The following RPS3A variants were observed in gnomAD, a reference collection of about 807,000 sequenced individuals.
RPS3A encodes the protein small ribosomal subunit protein eS1.
RPS3A carries 1 observed loss-of-function variant against 26.4 expected under a neutral mutation model. That is an observed-to-expected ratio of 0.04 (90% confidence interval 0.01 to 0.18). RPS3A has a LOEUF of 0.18. RPS3A is among the 10% of genes least tolerant of loss of function. The pLI, the probability that RPS3A is intolerant of heterozygous loss-of-function variation, is 1.00. For missense variants in RPS3A, 139 were observed against 326.8 expected (o/e 0.43, Z 4.43); for synonymous variants, 97 against 106.1 (o/e 0.91, Z 0.53).
At chr4:151,100,014 T>G in intron 1 of RPS3A, 1 of 619,102 alleles carries the variant, frequency 1.6e-6, no homozygotes, top group South Asian at 1.5e-5. Flanking sequence ...GAGTGTTTGA[T>G]GGCACTGCGA....
At chr4:151,104,119 T>A in intron 4 of RPS3A, 58 bp from the exon 5 acceptor site, 1 of 1,460,066 alleles carries the variant, frequency 6.8e-7, no homozygotes, top group South Asian at 1.2e-5. Flanking sequence ...TTAAAGGAAA[T>A]GGCTTATATC....
rs1212209428 is a variant in RPS3A, at chr4:151,104,443, T to TG, written c.674-29_674-28insG. On this transcript the variant is annotated intron_variant, in intron 5 of 5. Transcript: ENST00000274065. ...AGATATACTAACAGTTTTTTGGTTT[T>TG]TTTTTTTTTTTTTTTTTTTGCCTTT... The TG allele has an allele frequency of 1.0e-5, 13 of 1,289,032 alleles. No individual in the cohort carries two copies. The African/African-American group carries it at 1.8e-4, about 18-fold the overall frequency. 79.8% of individuals were successfully genotyped at this position (1,289,032 alleles called of 1,614,324 possible). A position where few individuals can be genotyped will look rare whatever the true frequency, so the allele number is the denominator to read the frequency against.
At chr4:151,103,535 A>G (rs963668216) in intron 4 of RPS3A, 26 of 1,029,460 alleles carry the variant, frequency 2.5e-5, no homozygotes, top group Non-Finnish European at 2.9e-5. Flanking sequence ...TTTCGTGTTT[A>G]TTTATTTTGA....
intron 5 of RPS3A, 34 bp from the exon 6 acceptor site, chr4:151,104,438 G>GGT: frequency 2.7e-6 from 1 of 370,332 alleles, no homozygotes; most frequent in Non-Finnish European, 4.1e-6. Context: ...ACAGTTTTTT[G>GGT]GTTTTTTTTT....
At chr4:151,104,082 T>C in intron 4 of RPS3A, 95 bp from the exon 5 acceptor site, 1 of 1,517,032 alleles carries the variant, frequency 6.6e-7, no homozygotes, top group Non-Finnish European at 8.8e-7. Context: ...GTGTTATGTG[T>C]AGGTTTATTC....
chr4:151,100,957 T>A lies in RPS3A; in HGVS notation c.167-18T>A. On this transcript the variant is annotated intron_variant, in intron 2 of 5. Coordinates refer to ENST00000274065, the MANE Select transcript of RPS3A (RefSeq NM_001006.5). ...TATGGTTCCTAAATGTTAAGATACT[T>A]GTTTTTTTCTTTTGTAGAAATTGCA... The A allele has an allele frequency of 6.4e-7, 1 of 1,555,062 alleles. No individual in the cohort carries two copies. The highest frequency in any genetic ancestry group is 8.7e-7 in the Non-Finnish European group (1 of 1,149,118).
intron 1 of RPS3A, chr4:151,100,097 G>T (rs547286895): frequency 2.5e-5 from 13 of 522,730 alleles, no homozygotes; most frequent in Admixed American, 7.1e-5. Context: ...GGTCCCGCTG[G>T]AATCTGCGAG....
chr4:151,099,634 T>C lies in RPS3A; in HGVS notation c.-19T>C, dbSNP rs780547743. The C allele has an allele frequency of 6.2e-7, 1 of 1,612,932 alleles. No individual in the cohort carries two copies. The highest frequency in any genetic ancestry group is 1.1e-5 in the South Asian group (1 of 90,906). ...CGCGCGACTCCCACTTCCGCCCTTT[T>C]GGCTCTCTGACCAGCACCATGGCGG... On this transcript the variant is annotated 5_prime_UTR_variant, in exon 1 of 6. Coordinates refer to ENST00000274065, the MANE Select transcript of RPS3A (RefSeq NM_001006.5).
rs777875903 is a variant in RPS3A at position 151,100,563 on chromosome 4, G to T, written c.141G>T (p.Thr47=). ...TCAATATAAGAAATATTGGAAAGACGCTCGTCACCAGGACCCAAGGAACCA... is the reference window on the plus strand; with the variant it reads ...TCAATATAAGAAATATTGGAAAGACTCTCGTCACCAGGACCCAAGGAACCA... The part of the protein sequence containing the change: ...AMFNIRNIGK[T]LVTRTQGTKI... Residue 47 remains threonine (T), a synonymous_variant, in exon 2 of 6, where the codon ACG becomes ACT. Coordinates refer to ENST00000274065, the MANE Select transcript of RPS3A (RefSeq NM_001006.5). The T allele has an allele frequency of 6.3e-6, 10 of 1,598,432 alleles. No homozygotes were observed. In the East Asian group the frequency reaches 1.8e-4, roughly 29 times the overall value.
At chr4:151,102,724 T>G in intron 3 of RPS3A, 147 bp from the exon 4 acceptor site, 1 of 983,266 alleles carries the variant, frequency 1.0e-6, no homozygotes. Flanking sequence ...GGAAGTTAAT[T>G]CTGTAAACTT....
intron 1 of RPS3A, chr4:151,100,092 C>T: frequency 1.9e-6 from 1 of 525,836 alleles, no homozygotes; most frequent in Non-Finnish European, 3.6e-6. Context: ...TGCTTGGTCC[C>T]GCTGGAATCT....
Position 151,102,884 on chromosome 4 carries a change from C to T in RPS3A, c.368C>T (p.Ala123Val). 5 of 1,610,686 alleles carry T rather than the reference C, an allele frequency of 3.1e-6. No homozygotes were observed. Among genetic ancestry groups the T allele is most frequent in the Non-Finnish European group, 3.4e-6 (4 of 1,178,286 alleles). The change falls in exon 4 of 6, where the codon GCT becomes GTT. Residue 123 changes from alanine to valine, a missense_variant. Physicochemically the swap from Ala to Val is moderately conservative, Grantham distance 64. Around this residue, in one of 3 missense-constraint regions of RPS3A, gnomAD observed 96 missense variants for 209.8 expected, o/e 0.46. Transcript: ENST00000274065. ...TTTTTTCTCCAGACAATGATTGAAG[C>T]TCACGTTGATGTCAAGACTACCGAT... is the stretch of plus-strand genomic sequence containing the variant. Reference protein sequence around the residue: ...MVKKWQTMIEAHVDVKTTDGY... With the variant: ...MVKKWQTMIEVHVDVKTTDGY...
chr4:151,103,771 C>G (rs1311830369), intron 4 of RPS3A: 12 of 1,321,192 alleles, frequency 9.1e-6, no homozygotes, highest in Non-Finnish European at 1.1e-5. Flanking sequence ...TATATACACA[C>G]ACAAAGAAAA....
At chr4:151,100,679 G>C in intron 2 of RPS3A, 91 bp downstream of exon 2, 1 of 790,216 alleles carries the variant, frequency 1.3e-6, no homozygotes, top group South Asian at 1.6e-5. Flanking sequence ...CCTGTGGTGG[G>C]AGACTTTAAG....
At chr4:151,102,170 G>T in intron 3 of RPS3A, 1 of 456,382 alleles carries the variant, frequency 2.2e-6, no homozygotes, top group Non-Finnish European at 4.4e-6. Context: ...AATATTTTAA[G>T]GTCCCTTAGC....
chr4:151,100,068 G>A, intron 1 of RPS3A: 1 of 549,378 alleles, frequency 1.8e-6, no homozygotes, highest in Non-Finnish European at 3.5e-6. Flanking sequence ...TTCAGGACCC[G>A]TCAATCTCGC....
intron 5 of RPS3A, 24 bp from the exon 6 acceptor site, chr4:151,104,439 GTTTTTTTTT>G (rs386401872): frequency 4.6e-5 from 33 of 711,740 alleles, no homozygotes; most frequent in Admixed American, 1.7e-4. Flanking sequence ...CAGTTTTTTG[GTTTTTTTTT>G]TTTTTTTTTT....
At chr4:151,100,149 G>A (rs747755843) in intron 1 of RPS3A, among the ~76,000 whole-genome samples, 2 of 152,206 alleles carry the variant, frequency 1.3e-5, no homozygotes, top group South Asian at 2.1e-4. Context: ...TTAGTTACCA[G>A]TACATGCCAT....
chr4:151,103,290 C>T, intron 4 of RPS3A: 1 of 1,001,964 alleles, frequency 1.0e-6, no homozygotes, highest in South Asian at 1.8e-5. Context: ...TGCTCTGTTG[C>T]CCAGGCTCGA....
Sources: gnomAD v4.1 joint callset for allele counts (sites outside exome capture counted in the v4.1 genomes callset) on GRCh38, gnomAD v4.1.1 for gene constraint, gnomAD v4.1.1 regional missense constraint, MANE v1.5 for transcripts, NCBI Gene and HGNC (gene_info 2026-07-23, HGNC 2026-07-21) for gene names.